TACC1: variants seen among roughly 807,000 people sequenced by gnomAD.
TACC1 encodes the protein transforming acidic coiled-coil containing protein 1.
TACC1 carries 48 observed loss-of-function variants against 84.4 expected under a neutral mutation model. That is an observed-to-expected ratio of 0.57 (90% CI 0.45 to 0.72). The LOEUF (loss-of-function observed/expected upper bound fraction) is 0.72, where lower values mean the gene tolerates loss of function less well. Ranked by LOEUF, TACC1 falls within the 30% of genes least tolerant of loss-of-function variation. The pLI is 0.00. For synonymous variants in TACC1, 372 were observed against 376.3 expected (o/e 0.99, Z 0.13); for missense variants, 920 against 973.0 (o/e 0.95, Z 0.72).
chr8:38,778,848 T>G (rs970562844), intron 3 of TACC1, among the ~76,000 whole-genome samples: 1 of 152,068 alleles, frequency 6.6e-6, no homozygotes, highest in African/African-American at 2.4e-5. Flanking sequence ...CGAAAGAGCA[T>G]CCCAAAGAAA....
chr8:38,782,084 T>A (rs1816118003), intron 3 of TACC1, among the ~76,000 whole-genome samples: 1 of 151,694 alleles, frequency 6.6e-6, no homozygotes, highest in Non-Finnish European at 1.5e-5. Flanking sequence ...GTTAGTTACA[T>A]ATGTATACAT....
At chr8:38,841,460 T>C (rs1173524102) in intron 9 of TACC1, among the ~76,000 whole-genome samples, 1 of 152,212 alleles carries the variant, frequency 6.6e-6, no homozygotes, top group Non-Finnish European at 1.5e-5. Flanking sequence ...TATTGCTTTG[T>C]TCACTGTCAG....
At chr8:38,819,455 A>C in intron 2 of TACC1, 67 bp from the exon 3 acceptor site, 2 of 1,463,592 alleles carry the variant, frequency 1.4e-6, no homozygotes, top group Non-Finnish European at 9.2e-7. Flanking sequence ...ATATGAATTC[A>C]GGTAAGAGAG....
At chr8:38,843,478 A>G (rs1359624066) in intron 11 of TACC1, 83 bp downstream of exon 11, 2 of 946,810 alleles carry the variant, frequency 2.1e-6, no homozygotes, top group Non-Finnish European at 3.1e-6. Flanking sequence ...CTGTTTCGCA[A>G]CTCCAGGTTG....
At chr8:38,778,290 G>GTT (rs919719182) in intron 3 of TACC1, among the ~76,000 whole-genome samples, 4 of 151,730 alleles carry the variant, frequency 2.6e-5, no homozygotes, top group African/African-American at 4.8e-5. Flanking sequence ...GTGTGTGTGT[G>GTT]TGTGTGTATG....
At chr8:38,806,251 C>T (rs1051449349) in intron 2 of TACC1, among the ~76,000 whole-genome samples, 21 of 152,166 alleles carry the variant, frequency 1.4e-4, no homozygotes, top group African/African-American at 5.1e-4. Context: ...CCTGCCTGCT[C>T]TCAGTGGTGT....
intron 3 of TACC1, among the ~76,000 whole-genome samples, chr8:38,764,693 G>T (rs779798390): frequency 1.4e-4 from 22 of 152,146 alleles, no homozygotes; most frequent in Non-Finnish European, 2.9e-4. Flanking sequence ...TTGGCCGTGC[G>T]CAGTGGCTCA....
At chr8:38,834,779 A>G (rs935947129) in intron 6 of TACC1, among the ~76,000 whole-genome samples, 12 of 152,242 alleles carry the variant, frequency 7.9e-5, no homozygotes, top group African/African-American at 2.9e-4. Context: ...GAAAAATTTA[A>G]AAGCCACTCA....
intron 3 of TACC1, among the ~76,000 whole-genome samples, chr8:38,772,266 T>C (rs1813791425): frequency 6.6e-6 from 1 of 152,244 alleles, no homozygotes; most frequent in African/African-American, 2.4e-5. Context: ...CAAATGTGAA[T>C]GAGTACAGCC....
intron 3 of TACC1, among the ~76,000 whole-genome samples, chr8:38,772,838 T>G (rs894602675): frequency 2.6e-5 from 4 of 152,008 alleles, no homozygotes; most frequent in African/African-American, 9.7e-5. Context: ...TAACATTAAA[T>G]ATCAATAAAT....
intron 1 of TACC1, among the ~76,000 whole-genome samples, chr8:38,732,461 C>A (rs992354205): frequency 6.6e-6 from 1 of 151,918 alleles, no homozygotes; most frequent in African/African-American, 2.4e-5. Context: ...TCAAGACTTA[C>A]AAAAGAATTG....
intron 2 of TACC1, among the ~76,000 whole-genome samples, chr8:38,791,939 T>A (rs1016192558): frequency 7.9e-5 from 12 of 152,232 alleles, no homozygotes; most frequent in Admixed American, 7.9e-4. Context: ...ATGACTTTTC[T>A]TATACTGGAA....
intron 1 of TACC1, among the ~76,000 whole-genome samples, chr8:38,739,196 T>C (rs957379236): frequency 1.3e-5 from 2 of 152,260 alleles, no homozygotes; most frequent in East Asian, 3.8e-4. Context: ...GACTTCTATG[T>C]GTAACCATCT....
chr8:38,817,546 C>G (rs1825703593), intron 2 of TACC1, among the ~76,000 whole-genome samples: 1 of 152,096 alleles, frequency 6.6e-6, no homozygotes. Context: ...CAAGATTTTG[C>G]CATACTTACT....
chr8:38,840,070 A>AG, intron 8 of TACC1, 154 bp from the exon 9 acceptor site: 1 of 320,488 alleles, frequency 3.1e-6, no homozygotes, highest in East Asian at 5.5e-5. Flanking sequence ...AAAAAAAAAA[A>AG]AAAAAAAAAG....
chr8:38,787,725 C>T lies in TACC1; in HGVS notation c.143C>T (p.Thr48Ile), dbSNP rs762298627. The change falls in exon 1 of 13, where the codon ACC (threonine) becomes ATC (isoleucine). Residue 48 changes from threonine to isoleucine, a missense_variant. Physicochemically the swap from Thr to Ile is moderately conservative, Grantham distance 89. This residue lies in a region of TACC1 where 762 missense variants were observed against 747.3 expected (regional missense o/e 1.02). Coordinates refer to ENST00000317827, the MANE Select transcript of TACC1 (RefSeq NM_006283.3). ...GAGGAGGAGGATTCGCAAGCCGAGACCAAATCCTTGAGTTTCAGGCAAGTA... is the reference window on the plus strand; with the variant it reads ...GAGGAGGAGGATTCGCAAGCCGAGATCAAATCCTTGAGTTTCAGGCAAGTA... ...DPEEEDSQAE[T>I]KSLSFSSDSE... The T allele has an allele frequency of 4.1e-5, 64 of 1,547,100 alleles. 1 individual carries two copies. In the South Asian group the frequency reaches 7.3e-4, roughly 18 times the overall value.
At chr8:38,805,561 C>T (rs971775020) in intron 2 of TACC1, 3 of 152,292 alleles carry the variant, frequency 2.0e-5, no homozygotes, top group African/African-American at 7.2e-5. Context: ...GCTTTTGCCT[C>T]CTTAACTGGA....
intron 1 of TACC1, among the ~76,000 whole-genome samples, chr8:38,738,187 C>T (rs761331858): frequency 1.6e-4 from 25 of 151,812 alleles, no homozygotes; most frequent in South Asian, 2.1e-4. Flanking sequence ...GAGCCCTTGA[C>T]GCTAGGAGTT....
chr8:38,836,159 C>T lies in TACC1; in HGVS notation c.1714-3C>T, dbSNP rs372087830. The T allele has an allele frequency of 1.5e-5, 25 of 1,613,168 alleles. No individual in the cohort carries two copies. In the African/African-American group the frequency reaches 2.7e-4, roughly 17 times the overall value. Reference sequence around the variant, plus strand: ...AGATTCAGTGTAATCCCTTTCCCCACAGGGGCTGCTGGAGTCCTCTGCAGA... The same window carrying T: ...AGATTCAGTGTAATCCCTTTCCCCATAGGGGCTGCTGGAGTCCTCTGCAGA... On this transcript the variant is annotated splice_region_variant and splice_polypyrimidine_tract_variant and intron_variant, in intron 6 of 12. Transcript: ENST00000317827.
Sources: gnomAD v4.1 joint callset for allele counts (sites outside exome capture counted in the v4.1 genomes callset) on GRCh38, gnomAD v4.1.1 for gene constraint, gnomAD v4.1.1 regional missense constraint, MANE v1.5 for transcripts, NCBI Gene and HGNC (gene_info 2026-07-23, HGNC 2026-07-21) for gene names.